ARHGAP26: variants seen among roughly 807,000 people sequenced by gnomAD.
ARHGAP26 encodes rho GTPase-activating protein 26.
Under a neutral mutation model 104.8 loss-of-function variants are expected in ARHGAP26, and 38 were observed. The observed-to-expected ratio is 0.36, with a 90% confidence interval of 0.28 to 0.48. The LOEUF is 0.48. Ranked by LOEUF, ARHGAP26 falls within the 20% of genes least tolerant of loss-of-function variation. The pLI is 0.99. For missense variants in ARHGAP26, 704 were observed against 947.9 expected, an observed-to-expected ratio of 0.74 and a Z score of 3.38; for synonymous variants, 341 against 340.0, an observed-to-expected ratio of 1.00 and a Z score of -0.03.
At chr5:143,182,888 T>C (rs1284453501) in intron 20 of ARHGAP26, among the ~76,000 whole-genome samples, 1 of 152,132 alleles carries the variant, frequency 6.6e-6, no homozygotes, top group Non-Finnish European at 1.5e-5. Flanking sequence ...TTGGTTTTAT[T>C]GTAGTCCTCC....
chr5:142,938,384 C>G (rs1309183785), intron 11 of ARHGAP26, among the ~76,000 whole-genome samples: 2 of 152,072 alleles, frequency 1.3e-5, no homozygotes, highest in African/African-American at 4.8e-5. Flanking sequence ...TTTTGTTTTA[C>G]TTTTGTGTGG....
chr5:142,773,407 T>G (rs1755651341), intron 1 of ARHGAP26, among the ~76,000 whole-genome samples: 2 of 152,206 alleles, frequency 1.3e-5, no homozygotes. Flanking sequence ...TTTAACTTGG[T>G]TTTGAGTGTT....
chr5:143,096,749 G>A (rs566859149), intron 17 of ARHGAP26, among the ~76,000 whole-genome samples: 1 of 151,376 alleles, frequency 6.6e-6, no homozygotes, highest in African/African-American at 2.4e-5. Flanking sequence ...GTATAACTTG[G>A]TACCACTGTC....
intron 1 of ARHGAP26, among the ~76,000 whole-genome samples, chr5:142,852,244 G>A (rs1751640349): frequency 6.6e-6 from 1 of 152,262 alleles, no homozygotes; most frequent in Non-Finnish European, 1.5e-5. Flanking sequence ...AGAAGGGACA[G>A]ATCTCAGGTG....
At chr5:143,047,821 TG>T (rs1489782660) in intron 14 of ARHGAP26, among the ~76,000 whole-genome samples, 1 of 152,122 alleles carries the variant, frequency 6.6e-6, no homozygotes, top group Non-Finnish European at 1.5e-5. Context: ...AAATTTTTTT[TG>T]TTTTATTTTT....
At chr5:142,807,234 G>A (rs1175980307) in intron 1 of ARHGAP26, among the ~76,000 whole-genome samples, 3 of 152,230 alleles carry the variant, frequency 2.0e-5, no homozygotes, top group Admixed American at 6.5e-5. Context: ...TGTTAGACAG[G>A]TATGGTTATT....
At position 142,894,354 on chromosome 5, in the gene ARHGAP26, T is replaced by C; in HGVS notation, c.597+6T>C. ...TGTTTGAGTTTGTGGAGCCTGTAAG[T>C]AGATATTCAGGGTTTAATGATGTAC... On this transcript the variant is annotated splice_donor_region_variant and intron_variant, in intron 6 of 22. Coordinates refer to ENST00000645722, the MANE Select transcript of ARHGAP26 (RefSeq NM_001135608.3). The C allele has an allele frequency of 6.2e-7, 1 of 1,610,442 alleles. No individual in the cohort carries two copies. Among genetic ancestry groups the C allele is most frequent in the Non-Finnish European group, 8.5e-7 (1 of 1,176,800 alleles).
At chr5:142,795,845 G>A (rs1332604038) in intron 1 of ARHGAP26, among the ~76,000 whole-genome samples, 1 of 152,278 alleles carries the variant, frequency 6.6e-6, no homozygotes, top group East Asian at 1.9e-4. Flanking sequence ...GTACAGGTAA[G>A]TTATGATGGA....
intron 1 of ARHGAP26, among the ~76,000 whole-genome samples, chr5:142,865,578 C>T (rs1754137968): frequency 6.8e-6 from 1 of 147,036 alleles, no homozygotes. Flanking sequence ...AGAGGTGTTG[C>T]CTGTCATTTA....
chr5:143,150,176 A>G (rs926642782), intron 20 of ARHGAP26, among the ~76,000 whole-genome samples: 1 of 152,206 alleles, frequency 6.6e-6, no homozygotes, highest in Admixed American at 6.5e-5. Flanking sequence ...CTCCTGAAGA[A>G]CAAAGGACAA....
chr5:143,082,224 A>AC lies in ARHGAP26; in HGVS notation c.1538+24483dup, dbSNP rs1056179226. 8.6e-4 allele frequency among the ~76,000 whole-genome samples: 130 copies of AC among 151,994 alleles called. 1 individual carries two copies. Among genetic ancestry groups the AC allele is most frequent in the African/African-American group, 3.0e-3 (125 of 41,452 alleles). ...TTGCTTCAGCCTTGACACTTGTCCC[A>AC]CCCCCCAAGACAATAATTATGTCAC... On this transcript the variant is annotated intron_variant, in intron 17 of 22. Coordinates refer to ENST00000645722, the MANE Select transcript of ARHGAP26 (RefSeq NM_001135608.3).
chr5:142,914,476 C>T (rs1224246969), intron 10 of ARHGAP26, among the ~76,000 whole-genome samples: 1 of 152,078 alleles, frequency 6.6e-6, no homozygotes, highest in African/African-American at 2.4e-5. Context: ...AATGAAGTTC[C>T]CAGGATGGTT....
intron 9 of ARHGAP26, among the ~76,000 whole-genome samples, chr5:142,908,198 T>C (rs1451974240): frequency 6.6e-6 from 1 of 152,238 alleles, no homozygotes; most frequent in East Asian, 1.9e-4. Context: ...TACCTATTGC[T>C]GTGTAACAAG....
At chr5:142,941,181 G>A (rs1288012359) in intron 11 of ARHGAP26, among the ~76,000 whole-genome samples, 2 of 150,080 alleles carry the variant, frequency 1.3e-5, no homozygotes, top group Non-Finnish European at 2.9e-5. Flanking sequence ...TTGAGGAATC[G>A]CATTACTGCT....
At chr5:143,007,196 A>G (rs1008319305) in intron 11 of ARHGAP26, among the ~76,000 whole-genome samples, 3 of 71,834 alleles carry the variant, frequency 4.2e-5, no homozygotes, top group Admixed American at 1.5e-4. Context: ...CTGTCTCCGA[A>G]AAAAAAAAAA....
intron 21 of ARHGAP26, 58 bp downstream of exon 21, chr5:143,207,366 G>T (rs1808731432): frequency 6.2e-7 from 1 of 1,614,092 alleles, no homozygotes; most frequent in Non-Finnish European, 8.5e-7. Flanking sequence ...CATTGGCTCG[G>T]TCCTCTCTTC....
intron 15 of ARHGAP26, among the ~76,000 whole-genome samples, chr5:143,055,480 A>T (rs1785666228): frequency 6.6e-6 from 1 of 152,030 alleles, no homozygotes; most frequent in Non-Finnish European, 1.5e-5. Context: ...TCAGGAAAAA[A>T]CCCTCAAGTT....
At chr5:143,153,456 A>C (rs1262992987) in intron 20 of ARHGAP26, among the ~76,000 whole-genome samples, 1 of 152,192 alleles carries the variant, frequency 6.6e-6, no homozygotes, top group East Asian at 1.9e-4. Context: ...TTCCACAGTG[A>C]CCAGTGGGGC....
intron 12 of ARHGAP26, among the ~76,000 whole-genome samples, chr5:143,029,318 G>T (rs981701809): frequency 2.0e-5 from 3 of 150,788 alleles, no homozygotes; most frequent in African/African-American, 7.3e-5. Flanking sequence ...TGCCCCTGAA[G>T]TGGCCTGCTC....
Sources: allele counts gnomAD v4.1 joint callset (sites outside exome capture counted in the v4.1 genomes callset), GRCh38; gene constraint gnomAD v4.1.1; transcripts MANE v1.5; gene names NCBI Gene and HGNC (gene_info 2026-07-23, HGNC 2026-07-21).